FBXL13: variants seen among roughly 807,000 people sequenced by gnomAD.
FBXL13 encodes the protein F-box and leucine-rich repeat protein 13.
Under a neutral mutation model 83.6 loss-of-function variants are expected in FBXL13, and 67 were observed. The ratio of observed to expected loss-of-function variants is 0.80; its 90% CI spans 0.66 to 0.98. The LOEUF (loss-of-function observed/expected upper bound fraction) is 0.98, where lower values mean the gene tolerates loss of function less well. Among genes scored for constraint, FBXL13 ranks in the 50% least tolerant of loss-of-function variants. The pLI is 0.00. For missense variants in FBXL13, 822 were observed against 866.5 expected, an observed-to-expected ratio of 0.95 and a Z score of 0.64; for synonymous variants, 272 against 299.5, an observed-to-expected ratio of 0.91 and a Z score of 0.95.
At chr7:103,055,612 A>T in intron 2 of FBXL13, 32 bp downstream of exon 2, 1 of 1,009,446 alleles carries the variant, frequency 9.9e-7, no homozygotes, top group South Asian at 1.5e-5. Context: ...AAAATAAAAT[A>T]TTTCCCTATC....
intron 9 of FBXL13, among the ~76,000 whole-genome samples, chr7:102,929,663 C>CAAAAAA (rs35025022): frequency 4.4e-5 from 4 of 91,466 alleles, no homozygotes; most frequent in Admixed American, 1.4e-4. Context: ...GACTCCATCT[C>CAAAAAA]AAAAAAAAAA....
intron 6 of FBXL13, chr7:102,973,836 C>G: frequency 1.4e-6 from 1 of 705,730 alleles, no homozygotes; most frequent in South Asian, 1.5e-5. Flanking sequence ...TTTCTCCAGT[C>G]TGAAAATCCA....
At chr7:102,946,588 CAGA>C (rs1310672360) in intron 8 of FBXL13, among the ~76,000 whole-genome samples, 1 of 152,040 alleles carries the variant, frequency 6.6e-6, no homozygotes, top group African/African-American at 2.4e-5. Flanking sequence ...AATGGGAAGC[CAGA>C]AGAACTGCCA....
intron 6 of FBXL13, among the ~76,000 whole-genome samples, chr7:103,009,240 A>G (rs1363284818): frequency 1.3e-5 from 2 of 152,218 alleles, no homozygotes; most frequent in African/African-American, 4.8e-5. Context: ...AATTAGAAGC[A>G]GCTCATGTGC....
intron 17 of FBXL13, among the ~76,000 whole-genome samples, chr7:102,833,436 C>CTTTTTTT (rs763657766): frequency 7.4e-6 from 1 of 134,614 alleles, no homozygotes. Context: ...AGCCTGTTTC[C>CTTTTTTT]TTTTTTTTTT....
intron 6 of FBXL13, among the ~76,000 whole-genome samples, chr7:103,002,538 G>C (rs138358338): frequency 6.0e-4 from 92 of 152,268 alleles, no homozygotes; most frequent in African/African-American, 1.7e-3. Context: ...TTGCACATTA[G>C]TGTACTTTTC....
At chr7:103,002,064 T>G (rs1790457422) in intron 6 of FBXL13, among the ~76,000 whole-genome samples, 1 of 152,236 alleles carries the variant, frequency 6.6e-6, no homozygotes, top group East Asian at 1.9e-4. Flanking sequence ...GTTTTGAAAC[T>G]CCTCTCCTTT....
chr7:102,848,805 T>G (rs934556424), intron 17 of FBXL13, among the ~76,000 whole-genome samples: 16 of 151,732 alleles, frequency 1.1e-4, no homozygotes, highest in African/African-American at 3.6e-4. Context: ...TCGAGACCAG[T>G]CTGGCCAACA....
chr7:103,050,641 G>A (rs1361212808), intron 2 of FBXL13, among the ~76,000 whole-genome samples: 3 of 152,222 alleles, frequency 2.0e-5, no homozygotes, highest in Non-Finnish European at 4.4e-5. Flanking sequence ...AGTATTGCCT[G>A]TGGCAAGGTG....
At chr7:102,884,118 ATG>A in intron 12 of FBXL13, 94 bp downstream of exon 13, 1 of 890,418 alleles carries the variant, frequency 1.1e-6, no homozygotes, top group Admixed American at 2.0e-5. Flanking sequence ...AATAACTAAA[ATG>A]AAAAGTCCAT....
chr7:102,946,573 CAG>C (rs1563133649), intron 8 of FBXL13, among the ~76,000 whole-genome samples: 1 of 152,174 alleles, frequency 6.6e-6, no homozygotes. Context: ...TTACAGGAAA[CAG>C]AGAATGGGAA....
intron 6 of FBXL13, among the ~76,000 whole-genome samples, chr7:102,984,505 G>C (rs532917234): frequency 2.5e-4 from 38 of 152,160 alleles, no homozygotes; most frequent in Non-Finnish European, 4.7e-4. Flanking sequence ...AGAGCTGGTG[G>C]TATAGTTCCA....
intron 2 of FBXL13, among the ~76,000 whole-genome samples, chr7:103,054,264 T>C (rs1797118242): frequency 1.3e-5 from 2 of 151,816 alleles, no homozygotes; most frequent in Admixed American, 1.3e-4. Context: ...GCAGCATGCA[T>C]CTGTAATCCC....
chr7:103,062,025 C>CAAAAAAAAAAAAAAAAAAA (rs59881447), intron 1 of FBXL13, among the ~76,000 whole-genome samples: 1 of 99,800 alleles, frequency 1.0e-5, no homozygotes. Context: ...TCATAATTAC[C>CAAAAAAAAAAAAAAAAAAA]AAAAAAAAAA....
chr7:103,007,241 CA>C (rs1338375950), intron 6 of FBXL13, among the ~76,000 whole-genome samples: 8 of 151,904 alleles, frequency 5.3e-5, no homozygotes, highest in Non-Finnish European at 1.0e-4. Flanking sequence ...CCAAGAAGCT[CA>C]ATGAACTCCA....
chr7:102,847,602 C>T (rs1562987613), intron 17 of FBXL13, among the ~76,000 whole-genome samples: 1 of 151,800 alleles, frequency 6.6e-6, no homozygotes, highest in Non-Finnish European at 1.5e-5. Flanking sequence ...TCTCGGCTCA[C>T]TGCAACCTCT....
At chr7:102,973,658 C>G (rs769251040) in intron 6 of FBXL13, 1 of 766,376 alleles carries the variant, frequency 1.3e-6, no homozygotes, top group Admixed American at 1.7e-5. Context: ...CTTCGTCCCC[C>G]GTGGACCTAC....
intron 16 of FBXL13, among the ~76,000 whole-genome samples, chr7:102,855,910 A>G (rs1805984649): frequency 6.6e-6 from 1 of 151,390 alleles, no homozygotes; most frequent in East Asian, 1.9e-4. Flanking sequence ...AAAAAAAAAA[A>G]GCCTGTATTA....
chr7:103,043,600 C>A (rs1795973901), intron 2 of FBXL13, among the ~76,000 whole-genome samples: 1 of 152,206 alleles, frequency 6.6e-6, no homozygotes, highest in Non-Finnish European at 1.5e-5. Context: ...CAACCTCAGC[C>A]TTCAGGGTCT....
Sources: gnomAD v4.1 joint callset for allele counts (sites outside exome capture counted in the v4.1 genomes callset) on GRCh38, gnomAD v4.1.1 for gene constraint, MANE v1.5 for transcripts, NCBI Gene and HGNC (gene_info 2026-07-23, HGNC 2026-07-21) for gene names.